Variants in ARMC2 observed in about 807,000 individuals in gnomAD.
ARMC2 encodes armadillo repeat containing 2.
ARMC2 carries 67 observed loss-of-function variants against 90.3 expected under a neutral mutation model. The observed-to-expected ratio is 0.74, with a 90% CI of 0.61 to 0.91. The LOEUF is 0.91. Among genes scored for constraint, ARMC2 ranks in the 40% least tolerant of loss-of-function variants. ARMC2 has a pLI of 0.00. For missense variants in ARMC2, 920 were observed against 1,030.9 expected, an observed-to-expected ratio of 0.89 and a Z score of 1.47; for synonymous variants, 393 against 393.0, an observed-to-expected ratio of 1.00 and a Z score of 0.00.
the ARMC2 span, among the ~76,000 whole-genome samples, chr6:109,037,062 T>C: frequency 6.6e-6 from 1 of 152,208 alleles, no homozygotes. Flanking sequence ...ATAGCTGTTA[T>C]ATTCCTGATA....
downstream of ARMC2, among the ~76,000 whole-genome samples, chr6:108,976,365 T>A (rs113589654): frequency 0.074 from 11,336 of 152,174 alleles, 965 homozygotes; most frequent in African/African-American, 0.21. Flanking sequence ...TTGGTCTATA[T>A]CTCTGTTTTG....
Position 108,961,646 on chromosome 6 carries a change from C to G in ARMC2, c.1990C>G (p.Gln664Glu). ...GACAATCAACAATTTATCTTACTACCAAGTGAAGAATTCCATAATTCAAGA... is the reference window on the plus strand; with the variant it reads ...GACAATCAACAATTTATCTTACTACGAAGTGAAGAATTCCATAATTCAAGA... ...TATINNLSYY[Q>E]VKNSIIQDKK... Residue 664 changes from glutamine (Q) to glutamate (E), a missense_variant, in exon 14 of 18, where the codon CAA (glutamine) becomes GAA (glutamate). By Grantham distance (29) the Gln-to-Glu change is conservative. Coordinates refer to ENST00000392644, the MANE Select transcript of ARMC2 (RefSeq NM_032131.6). 6.2e-7 allele frequency: 1 copy of G among 1,611,556 alleles called. No homozygotes were observed. Among genetic ancestry groups the G allele is most frequent in the Non-Finnish European group, 8.5e-7 (1 of 1,178,920 alleles).
intron 2 of ARMC2, among the ~76,000 whole-genome samples, chr6:108,855,832 A>C (rs1219559072): frequency 6.6e-6 from 1 of 152,024 alleles, no homozygotes; most frequent in Non-Finnish European, 1.5e-5. Context: ...CTTTTTATAT[A>C]CTTATTTTAC....
chr6:108,936,802 A>T, intron 11 of ARMC2, 98 bp from the exon 12 acceptor site: 1 of 967,934 alleles, frequency 1.0e-6, no homozygotes, highest in South Asian at 1.5e-5. Flanking sequence ...TGAACTGGGC[A>T]ATGTTTTGAA....
chr6:108,854,078 G>T (rs1774280045), intron 1 of ARMC2, 147 bp from the exon 2 acceptor site: 1 of 472,846 alleles, frequency 2.1e-6, no homozygotes, highest in Non-Finnish European at 3.8e-6. Context: ...TTTGAGAGCT[G>T]TTCTCAGATC....
chr6:108,906,816 G>C (rs1393993835), intron 8 of ARMC2, among the ~76,000 whole-genome samples: 2 of 152,146 alleles, frequency 1.3e-5, no homozygotes, highest in Non-Finnish European at 2.9e-5. Context: ...GAATACAAGT[G>C]AATAAACTAG....
At chr6:108,899,039 G>A (rs1371214250) in intron 6 of ARMC2, among the ~76,000 whole-genome samples, 1 of 152,166 alleles carries the variant, frequency 6.6e-6, no homozygotes, top group Non-Finnish European at 1.5e-5. Flanking sequence ...CCTATACCAT[G>A]TCTTTTAATT....
chr6:109,002,321 C>T, the ARMC2 span: 49 of 1,613,082 alleles, frequency 3.0e-5, no homozygotes, highest in South Asian at 6.6e-5. Flanking sequence ...TCCTAGTGGT[C>T]GAGGAATTCT....
chr6:108,988,542 C>A, the ARMC2 span: 1 of 1,605,620 alleles, frequency 6.2e-7, no homozygotes, highest in Non-Finnish European at 8.5e-7. Context: ...TAGGCACATA[C>A]CTTCTCAGAG....
chr6:108,929,760 G>C lies in ARMC2; in HGVS notation c.1496+1527G>C, dbSNP rs180752897. On this transcript the variant is annotated intron_variant, in intron 11 of 17. Transcript: ENST00000392644. ...AGCTTCCCAAAGTGCTGCGATTAGA[G>C]GTGTGAGCCACTCTGCCTGGCCTTC... Among the ~76,000 whole-genome samples the C allele has an allele frequency of 2.2e-3, 329 of 152,250 alleles. 4 individuals carry two copies. Among genetic ancestry groups the C allele is most frequent in the African/African-American group, 7.5e-3 (312 of 41,544 alleles).
At position 108,892,535 on chromosome 6, in the gene ARMC2, G is replaced by A. The variant is rs564941661; in HGVS notation, c.672-1932G>A. Among the ~76,000 whole-genome samples the A allele has an allele frequency of 7.9e-5, 12 of 152,044 alleles. No homozygotes were observed. In the East Asian group the frequency reaches 2.1e-3, roughly 27 times the overall value. On this transcript the variant is annotated intron_variant, in intron 5 of 17. Coordinates refer to ENST00000392644, the MANE Select transcript of ARMC2 (RefSeq NM_032131.6). ...AGCATTTTGGGAGGCCGAGGCAGGC[G>A]GATCACCTGAGGTTGGGAGTTTGAG...
chr6:108,960,049 A>G (rs1204770539), intron 13 of ARMC2, among the ~76,000 whole-genome samples: 16 of 152,068 alleles, frequency 1.1e-4, no homozygotes, highest in Admixed American at 1.0e-3. Context: ...CTGATTGCCC[A>G]ACTCTTAGAT....
At chr6:108,982,279 G>A in the ARMC2 span, among the ~76,000 whole-genome samples, 1 of 152,172 alleles carries the variant, frequency 6.6e-6, no homozygotes, top group Non-Finnish European at 1.5e-5. Context: ...GGCCAGTTCA[G>A]TTTGTGGTCA....
chr6:108,992,694 T>C, the ARMC2 span: 5 of 792,122 alleles, frequency 6.3e-6, no homozygotes, highest in Non-Finnish European at 1.1e-5. Flanking sequence ...GCAAAGCACT[T>C]AGCATAGTTC....
chr6:108,860,895 G>A (rs1166875756), intron 3 of ARMC2, among the ~76,000 whole-genome samples: 2 of 152,084 alleles, frequency 1.3e-5, no homozygotes, highest in Non-Finnish European at 2.9e-5. Flanking sequence ...CCAGGTGCAG[G>A]AAGAAGGTGA....
chr6:108,938,398 GCCA>G (rs1484809839), intron 12 of ARMC2, among the ~76,000 whole-genome samples: 2 of 148,340 alleles, frequency 1.3e-5, no homozygotes, highest in Non-Finnish European at 3.0e-5. Flanking sequence ...ACAGGCATGT[GCCA>G]CCACACCTGG....
intron 3 of ARMC2, 79 bp downstream of exon 3, chr6:108,858,350 T>C (rs1448415810): frequency 2.0e-6 from 2 of 1,003,900 alleles, no homozygotes; most frequent in African/African-American, 3.2e-5. Flanking sequence ...GAATCAGTAC[T>C]TATATATGCT....
intron 10 of ARMC2, among the ~76,000 whole-genome samples, chr6:108,921,883 G>A (rs1040849): frequency 0.73 from 111,067 of 152,086 alleles, 41,080 homozygotes; most frequent in Middle Eastern, 0.81. Flanking sequence ...TATTCCAGAT[G>A]ATTGCAAAAT....
intron 13 of ARMC2, among the ~76,000 whole-genome samples, chr6:108,959,950 T>G (rs1583216633): frequency 6.6e-6 from 1 of 152,024 alleles, no homozygotes; most frequent in Non-Finnish European, 1.5e-5. Flanking sequence ...CTTCCCAAAG[T>G]GCTGGGATTA....
Sources: gnomAD v4.1 joint callset for allele counts (sites outside exome capture counted in the v4.1 genomes callset) on GRCh38, gnomAD v4.1.1 for gene constraint, MANE v1.5 for transcripts, NCBI Gene and HGNC (gene_info 2026-07-23, HGNC 2026-07-21) for gene names.